MARCHF1: variants seen among roughly 807,000 people sequenced by gnomAD.
MARCHF1 encodes the protein membrane associated ring-CH-type finger 1, also known as E3 ubiquitin-protein ligase MARCHF1.
Under a neutral mutation model 54.2 loss-of-function variants are expected in MARCHF1, and 40 were observed. That is an observed-to-expected ratio of 0.74 (90% CI 0.57 to 0.96). The LOEUF is 0.96. MARCHF1 is among the 40% of genes least tolerant of loss of function. MARCHF1 has a pLI of 0.00. For synonymous variants in MARCHF1, 236 were observed against 236.3 expected (o/e 1.00, Z 0.01); for missense variants, 586 against 656.5 (o/e 0.89, Z 1.17).
At chr4:163,972,534 A>G (rs1288012675) in intron 3 of MARCHF1, among the ~76,000 whole-genome samples, 1 of 151,908 alleles carries the variant, frequency 6.6e-6, no homozygotes. Flanking sequence ...GTCTTAATGT[A>G]TATGTTTTTG....
chr4:163,584,525 GA>G (rs949860450), intron 8 of MARCHF1: 15 of 152,096 alleles, frequency 9.9e-5, no homozygotes, highest in African/African-American at 2.9e-4. Flanking sequence ...CTGGGCCCTA[GA>G]AAAACAGGGT....
chr4:163,649,590 G>C (rs1742890340), intron 5 of MARCHF1, among the ~76,000 whole-genome samples: 1 of 151,970 alleles, frequency 6.6e-6, no homozygotes, highest in Admixed American at 6.6e-5. Context: ...AAGGACCCCA[G>C]AAGTACTTCA....
chr4:163,793,375 T>C (rs1747822153), intron 4 of MARCHF1, among the ~76,000 whole-genome samples: 1 of 152,182 alleles, frequency 6.6e-6, no homozygotes, highest in African/African-American at 2.4e-5. Flanking sequence ...CCTGTAATTC[T>C]CTTCAGTTGG....
intron 1 of MARCHF1, among the ~76,000 whole-genome samples, chr4:164,295,452 A>G (rs866333655): frequency 1.6e-4 from 3 of 18,562 alleles, no homozygotes; most frequent in Middle Eastern, 0.028. Context: ...ACACAAACAC[A>G]CACACACACA....
chr4:164,087,910 T>G (rs770910371), intron 2 of MARCHF1, among the ~76,000 whole-genome samples: 3 of 152,082 alleles, frequency 2.0e-5, no homozygotes, highest in Admixed American at 6.5e-5. Flanking sequence ...ATCACTTCAA[T>G]AATTTCAGAG....
chr4:163,573,671 T>C (rs1272812379), intron 8 of MARCHF1, among the ~76,000 whole-genome samples: 20 of 151,896 alleles, frequency 1.3e-4, no homozygotes, highest in Admixed American at 8.5e-4. Context: ...CATAGTATTC[T>C]ATGGTGTATA....
At chr4:163,585,288 T>C (rs894010149) in intron 8 of MARCHF1, 1 of 152,362 alleles carries the variant, frequency 6.6e-6, no homozygotes, top group African/African-American at 2.4e-5. Context: ...GTACACACTT[T>C]ATAGAAGAAA....
At chr4:164,351,103 G>C (rs886496620) in intron 1 of MARCHF1, among the ~76,000 whole-genome samples, 6 of 152,232 alleles carry the variant, frequency 3.9e-5, no homozygotes, top group African/African-American at 1.4e-4. Flanking sequence ...ACCTGGCTCG[G>C]AGGGTCCTAC....
chr4:164,259,562 A>G (rs1402505894), intron 1 of MARCHF1, among the ~76,000 whole-genome samples: 27 of 74,504 alleles, frequency 3.6e-4, no homozygotes, highest in African/African-American at 1.2e-3. Flanking sequence ...AAAAAAAAAA[A>G]AAAGAAAAAA....
intron 2 of MARCHF1, among the ~76,000 whole-genome samples, chr4:164,003,404 TA>T (rs1393818773): frequency 1.2e-4 from 18 of 152,016 alleles, no homozygotes; most frequent in Non-Finnish European, 2.4e-4. Context: ...TCAGACTGTA[TA>T]AATAAAGCAG....
chr4:163,659,572 G>A (rs1743270898), intron 5 of MARCHF1, among the ~76,000 whole-genome samples: 1 of 152,026 alleles, frequency 6.6e-6, no homozygotes, highest in Admixed American at 6.6e-5. Flanking sequence ...TTAAACTAAA[G>A]AGCTTCTGCA....
In MARCHF1 at chr4:164,027,362, TAAAAAAAAAAAAAAAA is replaced by T. The variant is rs59453843; in HGVS notation, c.-247-38669_-247-38654del. Among the ~76,000 whole-genome samples the T allele has an allele frequency of 4.1e-3, 44 of 10,788 alleles. 2 individuals are homozygous for T. Among genetic ancestry groups the T allele is most frequent in the Non-Finnish European group, 0.013 (42 of 3,284 alleles). The allele number at this position is 10,788 out of a possible 152,430, so 7.1% of individuals were successfully genotyped here. ...TAGTACCAAAACAGCATGGTACAGG[TAAAAAAAAAAAAAAAA>T]AAAAAAAAAAAAAAAGATACATAGA... On this transcript the variant is annotated intron_variant, in intron 2 of 9. Transcript: ENST00000514618.
intron 2 of MARCHF1, among the ~76,000 whole-genome samples, chr4:164,047,213 C>T (rs1209781156): frequency 6.6e-6 from 1 of 152,174 alleles, no homozygotes; most frequent in Non-Finnish European, 1.5e-5. Flanking sequence ...CTGGGAATGA[C>T]TTCAGCTGAC....
intron 7 of MARCHF1, among the ~76,000 whole-genome samples, chr4:163,596,722 T>C: frequency 6.6e-6 from 1 of 152,144 alleles, no homozygotes; most frequent in Non-Finnish European, 1.5e-5. Context: ...TCAGAGCTGC[T>C]ACTCTGTTGG....
intron 1 of MARCHF1, chr4:164,197,787 G>A (rs1731323339): frequency 1.3e-6 from 2 of 1,599,110 alleles, no homozygotes; most frequent in Non-Finnish European, 1.7e-6. Flanking sequence ...ACGGCCGCAC[G>A]TTTTAGGACT....
intron 9 of MARCHF1, chr4:163,530,121 T>G (rs1738297191): frequency 6.6e-6 from 1 of 151,980 alleles, no homozygotes; most frequent in Non-Finnish European, 1.5e-5. Context: ...GACATTTGCT[T>G]TATGCTTCTG....
At chr4:163,818,862 T>C (rs1748614833) in intron 4 of MARCHF1, among the ~76,000 whole-genome samples, 1 of 152,122 alleles carries the variant, frequency 6.6e-6, no homozygotes, top group Admixed American at 6.6e-5. Context: ...ATATGATCAC[T>C]TCTCTTTTTG....
chr4:163,665,564 G>A (rs974498336), intron 5 of MARCHF1, among the ~76,000 whole-genome samples: 7 of 152,066 alleles, frequency 4.6e-5, no homozygotes, highest in Admixed American at 2.0e-4. Flanking sequence ...GTCAGTGTTC[G>A]TGTGAAGATA....
chr4:163,663,681 G>A (rs1176542290), intron 5 of MARCHF1, among the ~76,000 whole-genome samples: 4 of 151,858 alleles, frequency 2.6e-5, no homozygotes, highest in African/African-American at 9.7e-5. Flanking sequence ...CTCCTGGCGC[G>A]GTGCTCTCTC....
Sources: allele counts gnomAD v4.1 joint callset (sites outside exome capture counted in the v4.1 genomes callset), GRCh38; gene constraint gnomAD v4.1.1; transcripts MANE v1.5; gene names NCBI Gene and HGNC (gene_info 2026-07-23, HGNC 2026-07-21).